PHF20: variants seen among roughly 807,000 people sequenced by gnomAD.
PHF20 encodes the protein PHD finger protein 20, also known as glioma-expressed antigen 2.
A neutral mutation model predicts 113.5 loss-of-function variants in PHF20; 23 were observed. The observed-to-expected ratio is 0.20, with a 90% CI of 0.15 to 0.29. The LOEUF (loss-of-function observed/expected upper bound fraction) is 0.29. Among genes scored for constraint, PHF20 ranks in the 10% least tolerant of loss-of-function variants. The pLI, the probability that PHF20 is intolerant of heterozygous loss-of-function variation, is 1.00. For synonymous variants in PHF20, 434 were observed against 457.3 expected, an observed-to-expected ratio of 0.95 and a Z score of 0.65; for missense variants, 943 against 1,219.6, an observed-to-expected ratio of 0.77 and a Z score of 3.38.
At chr20:35,946,308 C>T (rs2056082154) in intron 17 of PHF20, among the ~76,000 whole-genome samples, 1 of 152,106 alleles carries the variant, frequency 6.6e-6, no homozygotes, top group Non-Finnish European at 1.5e-5. Context: ...GTGGCACATG[C>T]CTGTAATCCC....
At chr20:35,881,533 T>C (rs1301564284) in intron 9 of PHF20, among the ~76,000 whole-genome samples, 13 of 139,868 alleles carry the variant, frequency 9.3e-5, no homozygotes, top group African/African-American at 3.2e-4. Context: ...AGAGCAAGAC[T>C]CTGTCTAAAA....
intron 1 of PHF20, among the ~76,000 whole-genome samples, chr20:35,791,813 G>A (rs937628877): frequency 2.0e-5 from 3 of 151,986 alleles, no homozygotes; most frequent in African/African-American, 7.2e-5. Flanking sequence ...GGGAGGTGAG[G>A]GAAGGAGAAG....
chr20:35,909,735 C>T (rs913659288), intron 10 of PHF20, among the ~76,000 whole-genome samples: 1 of 152,142 alleles, frequency 6.6e-6, no homozygotes, highest in African/African-American at 2.4e-5. Flanking sequence ...TGTTCTCTAG[C>T]CAGTAGATCA....
intron 3 of PHF20, among the ~76,000 whole-genome samples, chr20:35,846,681 C>G (rs1312373462): frequency 6.6e-6 from 1 of 152,076 alleles, no homozygotes; most frequent in Non-Finnish European, 1.5e-5. Flanking sequence ...AGAATGTATG[C>G]TGGTTAGGGT....
chr20:35,897,283 C>T (rs1026602547), intron 9 of PHF20, among the ~76,000 whole-genome samples: 4 of 151,954 alleles, frequency 2.6e-5, no homozygotes, highest in Middle Eastern at 3.2e-3. Context: ...TCAAGTGATC[C>T]TCTTGCCTTG....
chr20:35,945,997 C>T (rs2056077436), intron 17 of PHF20, among the ~76,000 whole-genome samples: 1 of 151,020 alleles, frequency 6.6e-6, no homozygotes, highest in Non-Finnish European at 1.5e-5. Flanking sequence ...TGATGAAACC[C>T]CATCTCTACT....
chr20:35,839,555 G>T (rs796685214), intron 2 of PHF20, among the ~76,000 whole-genome samples: 8 of 152,298 alleles, frequency 5.3e-5, no homozygotes, highest in African/African-American at 1.9e-4. Context: ...ACAGAGAGGA[G>T]TGGATTTAGG....
At chr20:35,883,417 G>T (rs1435637215) in intron 9 of PHF20, among the ~76,000 whole-genome samples, 1 of 152,154 alleles carries the variant, frequency 6.6e-6, no homozygotes, top group African/African-American at 2.4e-5. Context: ...CTAATGGTCA[G>T]TATTGTAGAG....
intron 4 of PHF20, among the ~76,000 whole-genome samples, chr20:35,858,034 A>AT (rs1302368792): frequency 4.6e-5 from 7 of 152,144 alleles, no homozygotes; most frequent in African/African-American, 9.6e-5. Context: ...ATTCAGTGAA[A>AT]TTTTTTTTAT....
chr20:35,807,953 A>G (rs1161073178), intron 2 of PHF20, among the ~76,000 whole-genome samples: 7 of 152,180 alleles, frequency 4.6e-5, no homozygotes, highest in Non-Finnish European at 7.3e-5. Flanking sequence ...TTGCTTCAAG[A>G]TAATATGAAG....
chr20:35,794,740 C>T (rs140159258), intron 1 of PHF20, among the ~76,000 whole-genome samples: 2 of 152,228 alleles, frequency 1.3e-5, no homozygotes, highest in East Asian at 3.9e-4. Flanking sequence ...TTGTTCCATA[C>T]CCATCTATCA....
chr20:35,903,739 C>T (rs1289897792), intron 10 of PHF20, among the ~76,000 whole-genome samples: 1 of 152,208 alleles, frequency 6.6e-6, no homozygotes, highest in Non-Finnish European at 1.5e-5. Context: ...TGCCACTAAC[C>T]AGCAAGAGCC....
chr20:35,842,657 G>A lies in PHF20; in HGVS notation c.168G>A (p.Glu56=), dbSNP rs2146937379. 1.2e-6 allele frequency: 2 copies of A among 1,613,980 alleles called. No homozygotes were observed. The highest frequency in any genetic ancestry group is 1.7e-6 in the Non-Finnish European group (2 of 1,179,850). The change falls in exon 3 of 18, where the codon GAG becomes GAA. Residue 56 remains glutamate, a synonymous_variant. Coordinates refer to ENST00000374012, the MANE Select transcript of PHF20 (RefSeq NM_016436.5). ...HFKRWNHRYD[E]WFCWDSPYLR... ...AGCGTTGGAACCATCGTTATGATGA[G>A]TGGTTCTGCTGGGACAGTCCTTATT...
At chr20:35,843,806 G>A (rs967998632) in intron 3 of PHF20, among the ~76,000 whole-genome samples, 12 of 151,842 alleles carry the variant, frequency 7.9e-5, no homozygotes, top group Non-Finnish European at 1.2e-4. Context: ...CTTGAACTCC[G>A]GGCTCAAGTG....
At chr20:35,919,449 C>T (rs563721369) in intron 13 of PHF20, among the ~76,000 whole-genome samples, 1 of 151,584 alleles carries the variant, frequency 6.6e-6, no homozygotes, top group Non-Finnish European at 1.5e-5. Context: ...AAGCGATTCT[C>T]CTGCCTCAGC....
chr20:35,779,806 C>T (rs2041250411), intron 1 of PHF20, among the ~76,000 whole-genome samples: 1 of 152,188 alleles, frequency 6.6e-6, no homozygotes, highest in Non-Finnish European at 1.5e-5. Flanking sequence ...CAGGCGTGAG[C>T]CACTGTGCCC....
At chr20:35,936,441 A>G (rs892509954) in intron 15 of PHF20, among the ~76,000 whole-genome samples, 6 of 152,312 alleles carry the variant, frequency 3.9e-5, no homozygotes, top group African/African-American at 1.4e-4. Context: ...GCCTTCATGT[A>G]TATGACCACT....
At chr20:35,917,393 G>C in intron 12 of PHF20, 91 bp from the exon 13 acceptor site, 1 of 1,096,510 alleles carries the variant, frequency 9.1e-7, no homozygotes, top group Non-Finnish European at 1.4e-6. Context: ...TGGAGGTATG[G>C]GACTATAATG....
intron 10 of PHF20, among the ~76,000 whole-genome samples, chr20:35,909,326 G>A (rs376213541): frequency 2.0e-5 from 3 of 151,792 alleles, no homozygotes; most frequent in Non-Finnish European, 4.4e-5. Context: ...TGAGGGACAG[G>A]GGGTGTTATC....
Sources: allele counts gnomAD v4.1 joint callset (sites outside exome capture counted in the v4.1 genomes callset), GRCh38; gene constraint gnomAD v4.1.1; transcripts MANE v1.5; gene names NCBI Gene and HGNC (gene_info 2026-07-23, HGNC 2026-07-21).